The following GREM2 variants were observed in gnomAD, a reference collection of about 807,000 sequenced individuals.
GREM2 encodes gremlin-2.
A neutral mutation model predicts 14.2 loss-of-function variants in GREM2; 11 were observed. The ratio of observed to expected loss-of-function variants is 0.78; its 90% CI spans 0.49 to 1.28. GREM2 has a LOEUF of 1.28. GREM2 is among the 50% of genes most tolerant of loss of function. GREM2 has a pLI of 0.00. For missense variants in GREM2, 210 were observed against 218.5 expected, an observed-to-expected ratio of 0.96 and a Z score of 0.24; for synonymous variants, 98 against 97.6, an observed-to-expected ratio of 1.00 and a Z score of -0.02.
At chr1:240,579,850 A>C (rs1451780183) in intron 1 of GREM2, among the ~76,000 whole-genome samples, 1 of 152,204 alleles carries the variant, frequency 6.6e-6, no homozygotes, top group East Asian at 1.9e-4. Flanking sequence ...CAGAAAAATT[A>C]AAAGATGGAA....
chr1:240,587,464 A>C (rs1330032766), intron 1 of GREM2, among the ~76,000 whole-genome samples: 2 of 151,596 alleles, frequency 1.3e-5, no homozygotes, highest in Non-Finnish European at 2.9e-5. Context: ...TGAGGCTACA[A>C]GCATAAGCCA....
intron 1 of GREM2, among the ~76,000 whole-genome samples, chr1:240,527,713 C>T (rs1474323562): frequency 6.6e-6 from 1 of 152,156 alleles, no homozygotes; most frequent in East Asian, 1.9e-4. Context: ...TAATCTCTAC[C>T]ACAGTACACA....
chr1:240,586,680 A>G (rs779077766), intron 1 of GREM2, among the ~76,000 whole-genome samples: 10 of 152,340 alleles, frequency 6.6e-5, no homozygotes, highest in South Asian at 2.1e-4. Context: ...CACAGAGAAT[A>G]CAGAATAGTG....
At chr1:240,534,701 A>C (rs1158439768) in intron 1 of GREM2, among the ~76,000 whole-genome samples, 51 of 151,774 alleles carry the variant, frequency 3.4e-4, no homozygotes, top group African/African-American at 1.2e-4. Context: ...TCAAAAAAAA[A>C]AAAAAAAAAA....
At chr1:240,589,063 T>C (rs943917254) in intron 1 of GREM2, 3 of 152,232 alleles carry the variant, frequency 2.0e-5, no homozygotes, top group East Asian at 1.9e-4. Context: ...GGCGAGGCCA[T>C]GGTGAACCGT....
chr1:240,583,365 G>T (rs1022050714), intron 1 of GREM2, among the ~76,000 whole-genome samples: 3 of 152,124 alleles, frequency 2.0e-5, no homozygotes, highest in Non-Finnish European at 2.9e-5. Context: ...GATAGCTAAT[G>T]ACAAATGGCC....
At chr1:240,502,751 T>G (rs1677598259) in intron 1 of GREM2, among the ~76,000 whole-genome samples, 2 of 152,196 alleles carry the variant, frequency 1.3e-5, no homozygotes, top group Non-Finnish European at 2.9e-5. Context: ...ACTTACTTCC[T>G]AAGAGTCAAG....
chr1:240,611,782 G>A (rs1046249204), intron 1 of GREM2, 102 bp downstream of exon 1: 1 of 152,610 alleles, frequency 6.6e-6, no homozygotes, highest in Admixed American at 6.6e-5. Flanking sequence ...TTTCGGTCCT[G>A]ACCAGCCACG....
intron 1 of GREM2, among the ~76,000 whole-genome samples, chr1:240,525,413 A>C (rs1474518969): frequency 6.6e-6 from 1 of 152,054 alleles, no homozygotes; most frequent in African/African-American, 2.4e-5. Flanking sequence ...TACTTGTGCA[A>C]CCTGTAATCC....
In GREM2 at chr1:240,492,270, G is replaced by T; in HGVS notation, c.*699C>A. 2.3e-6 allele frequency: 1 copy of T among 443,184 alleles called. No homozygotes were observed. Among genetic ancestry groups the T allele is most frequent in the Non-Finnish European group, 4.6e-6 (1 of 218,202 alleles). 27.5% of individuals were successfully genotyped at this position (443,184 alleles called of 1,614,324 possible). A position where few individuals can be genotyped will look rare whatever the true frequency, so the allele number is the denominator to read the frequency against. On this transcript the variant is annotated 3_prime_UTR_variant, in exon 2 of 2. Transcript: ENST00000318160. The stretch of plus-strand genomic sequence containing the variant: ...TCCACAAATAGGGGGCGGGGACAGT[G>T]AGGAAGAAGAGGCGGTGGGGACTTG...
intron 1 of GREM2, among the ~76,000 whole-genome samples, chr1:240,597,296 T>A (rs567095451): frequency 5.3e-5 from 8 of 152,350 alleles, no homozygotes; most frequent in Non-Finnish European, 8.8e-5. Context: ...GCGGGGTATT[T>A]AGATGCCACA....
chr1:240,528,996 G>A (rs1271473411), intron 1 of GREM2, among the ~76,000 whole-genome samples: 1 of 152,040 alleles, frequency 6.6e-6, no homozygotes, highest in Non-Finnish European at 1.5e-5. Flanking sequence ...GCCCTAAGGT[G>A]GAACACGATC....
At chr1:240,547,775 C>T (rs7542225) in intron 1 of GREM2, among the ~76,000 whole-genome samples, 79,416 of 151,494 alleles carry the variant, frequency 0.52, 22,634 homozygotes, top group African/African-American at 0.76. Context: ...AACAGAAATA[C>T]CCTTGGGAGA....
intron 1 of GREM2, chr1:240,590,677 C>T (rs1289825135): frequency 6.6e-6 from 1 of 152,170 alleles, no homozygotes; most frequent in African/African-American, 2.4e-5. Context: ...GATATATGCA[C>T]CTCGGCCTCC....
chr1:240,554,453 A>C (rs2103342044), intron 1 of GREM2, among the ~76,000 whole-genome samples: 1 of 152,110 alleles, frequency 6.6e-6, no homozygotes, highest in Admixed American at 6.6e-5. Context: ...TGTTGCCCAA[A>C]TAGTCCTAGA....
chr1:240,572,598 G>A (rs1314278442), intron 1 of GREM2, among the ~76,000 whole-genome samples: 2 of 152,146 alleles, frequency 1.3e-5, no homozygotes, highest in African/African-American at 4.8e-5. Context: ...AATGATTATA[G>A]GGAGTTAAAA....
chr1:240,598,337 T>C (rs568711058), intron 1 of GREM2, among the ~76,000 whole-genome samples: 1 of 152,292 alleles, frequency 6.6e-6, no homozygotes, highest in African/African-American at 2.4e-5. Context: ...AGTTGTGGGA[T>C]TTTGCATGCT....
At chr1:240,536,142 C>T (rs767463734) in intron 1 of GREM2, among the ~76,000 whole-genome samples, 26 of 152,058 alleles carry the variant, frequency 1.7e-4, no homozygotes, top group Non-Finnish European at 2.6e-4. Context: ...AAAAAGCCCT[C>T]AATTATGGCA....
chr1:240,527,342 A>G (rs926082080), intron 1 of GREM2, among the ~76,000 whole-genome samples: 2 of 152,218 alleles, frequency 1.3e-5, no homozygotes, highest in African/African-American at 4.8e-5. Context: ...TTAAAATAAT[A>G]CTGCATAAAG....
Sources: allele counts gnomAD v4.1 joint callset (sites outside exome capture counted in the v4.1 genomes callset), GRCh38; gene constraint gnomAD v4.1.1; transcripts MANE v1.5; gene names NCBI Gene and HGNC (gene_info 2026-07-23, HGNC 2026-07-21).